Variants in ADA2 observed in about 807,000 individuals in gnomAD.
ADA2 encodes the protein adenosine deaminase CECR1.
ADA2 carries 29 observed loss-of-function variants against 44.2 expected under a neutral mutation model. That is an observed-to-expected ratio of 0.66 (90% CI 0.49 to 0.89). The LOEUF is 0.89. ADA2 is among the 40% of genes least tolerant of loss of function. ADA2 has a pLI of 0.00. For missense variants in ADA2, 637 were observed against 644.8 expected, an observed-to-expected ratio of 0.99 and a Z score of 0.13; for synonymous variants, 215 against 234.9, an observed-to-expected ratio of 0.92 and a Z score of 0.77.
intron 3 of ADA2, among the ~76,000 whole-genome samples, chr22:17,206,565 A>G (rs1355582636): frequency 6.6e-6 from 1 of 152,204 alleles, no homozygotes; most frequent in Non-Finnish European, 1.5e-5. Context: ...AATGCACCAG[A>G]AAAACTACTA....
chr22:17,209,450 C>T lies in ADA2; in HGVS notation c.228G>A (p.Arg76=). The T allele has an allele frequency of 3.1e-6, 5 of 1,614,158 alleles. No individual in the cohort carries two copies. The highest frequency in any genetic ancestry group is 1.3e-5 in the African/African-American group (1 of 75,046). Residue 76 remains arginine, a synonymous_variant, in exon 2 of 10, where the codon AGG becomes AGA. Transcript: ENST00000399837. The stretch of plus-strand genomic sequence containing the variant: ...GCATGCTGGGTGGGAATATCAGGGT[C>T]CTCATGGCCTCCTTCATCTCAGCGA... ...LKIAEMKEAM[R]TLIFPPSMHF...
chr22:17,207,000 C>T, intron 3 of ADA2, 71 bp downstream of exon 3: 1 of 1,182,522 alleles, frequency 8.5e-7, no homozygotes, highest in African/African-American at 1.5e-5. Context: ...TAGGTTTGTA[C>T]CAAGGGAGAC....
chr22:17,191,265 C>G (rs2062110956), intron 5 of ADA2, among the ~76,000 whole-genome samples: 1 of 152,246 alleles, frequency 6.6e-6, no homozygotes. Context: ...GCCAGTGCCA[C>G]TCAGGGTGTC....
chr22:17,198,963 G>C (rs918636114), intron 4 of ADA2, among the ~76,000 whole-genome samples: 1 of 152,154 alleles, frequency 6.6e-6, no homozygotes, highest in Non-Finnish European at 1.5e-5. Flanking sequence ...GGGAGGCGAG[G>C]GGGCTCAGCA....
At chr22:17,203,823 G>T in intron 3 of ADA2, 50 bp from the exon 4 acceptor site, 1 of 1,279,800 alleles carries the variant, frequency 7.8e-7, no homozygotes, top group Non-Finnish European at 1.1e-6. Context: ...CCAGGACACT[G>T]CCCCCGGGCG....
At chr22:17,208,986 C>G (rs539109490) in intron 2 of ADA2, among the ~76,000 whole-genome samples, 2 of 152,056 alleles carry the variant, frequency 1.3e-5, no homozygotes, top group East Asian at 3.9e-4. Flanking sequence ...ACCACCACCC[C>G]TGGCTATTTA....
At position 17,181,774 on chromosome 22, in the gene ADA2, C is replaced by T. The variant is rs572691117; in HGVS notation, c.1442+46G>A. The stretch of plus-strand genomic sequence containing the variant: ...CCTCCAGAGAGGCAAACACAAGCTG[C>T]GGGCTGGAAGGAGGCGGGGGACCTG... On this transcript the variant is annotated intron_variant, in intron 9 of 9. Coordinates refer to ENST00000399837, the MANE Select transcript of ADA2 (RefSeq NM_001282225.2). 116 of 1,522,850 alleles carry T rather than the reference C, an allele frequency of 7.6e-5. 1 individual carries two copies. In the South Asian group the frequency reaches 1.0e-3, roughly 14 times the overall value. 94.3% of individuals were successfully genotyped at this position (1,522,850 alleles called of 1,614,324 possible). A position where few individuals can be genotyped will look rare whatever the true frequency, so the allele number is the denominator to read the frequency against.
At chr22:17,199,446 T>TCCCACCCCACCTCAATCCACTTCCCCA in intron 4 of ADA2, 1 of 917,628 alleles carries the variant, frequency 1.1e-6, no homozygotes, top group Non-Finnish European at 1.7e-6. Flanking sequence ...CCTCTTCCCC[T>TCCCACCCCACCTCAATCCACTTCCCCA]CCACCCACGA....
chr22:17,204,290 A>G (rs2123701631), intron 3 of ADA2, among the ~76,000 whole-genome samples: 1 of 152,302 alleles, frequency 6.6e-6, no homozygotes, highest in South Asian at 2.1e-4. Flanking sequence ...GGTTGTAAGG[A>G]TGGGGCTCTA....
chr22:17,214,086 A>T, intron 1 of ADA2: 2 of 621,648 alleles, frequency 3.2e-6, no homozygotes. Flanking sequence ...ACAAGCAGAG[A>T]GTGGAGGACT....
At chr22:17,199,448 C>CCGCCCCTCCTCT in intron 4 of ADA2, 1 of 1,129,592 alleles carries the variant, frequency 8.9e-7, no homozygotes, top group Non-Finnish European at 1.3e-6. Context: ...TCTTCCCCTC[C>CCGCCCCTCCTCT]ACCCACGAAG....
rs1386346099 is a variant in ADA2, at chr22:17,182,658, C to T, written c.1185G>A (p.Arg395=). ...GFALSKHPAV[R]TYSWKKDIPI... ...GGATGTCCTTTTTCCAGGAGTAAGTCCTGACTGCGGGGTGTTTGCTCAAAG... is the reference window on the plus strand; with the variant it reads ...GGATGTCCTTTTTCCAGGAGTAAGTTCTGACTGCGGGGTGTTTGCTCAAAG... Residue 395 remains arginine (R), a synonymous_variant, in exon 8 of 10, where the codon AGG becomes AGA. Transcript: ENST00000399837. 6.2e-7 allele frequency: 1 copy of T among 1,614,008 alleles called. No homozygotes were observed. The highest frequency in any genetic ancestry group is 1.3e-5 in the African/African-American group (1 of 74,900).
At chr22:17,210,248 T>C (rs1476814136) in intron 1 of ADA2, among the ~76,000 whole-genome samples, 1 of 148,768 alleles carries the variant, frequency 6.7e-6, no homozygotes, top group African/African-American at 2.5e-5. Context: ...TGGAGTGTAA[T>C]GGTGTGATCT....
At chr22:17,210,169 C>T (rs888354812) in intron 1 of ADA2, among the ~76,000 whole-genome samples, 12 of 150,430 alleles carry the variant, frequency 8.0e-5, no homozygotes, top group African/African-American at 2.7e-4. Context: ...GGATTACAGG[C>T]GTGAGCCACT....
chr22:17,213,737 A>T (rs1278004273), intron 1 of ADA2: 1 of 247,946 alleles, frequency 4.0e-6, no homozygotes, highest in African/African-American at 2.3e-5. Context: ...AATGGAAAGG[A>T]TCCTCAAGAA....
At chr22:17,199,446 T>TCCCTCCCCACCTCTATCCTCTTACCCA in intron 4 of ADA2, 2 of 917,624 alleles carry the variant, frequency 2.2e-6, no homozygotes, top group Non-Finnish European at 3.5e-6. Context: ...CCTCTTCCCC[T>TCCCTCCCCACCTCTATCCTCTTACCCA]CCACCCACGA....
At chr22:17,184,791 T>C (rs568387270) in intron 7 of ADA2, among the ~76,000 whole-genome samples, 1 of 150,774 alleles carries the variant, frequency 6.6e-6, no homozygotes, top group African/African-American at 2.4e-5. Context: ...TAGCCAGGCA[T>C]GGTGGCATGT....
intron 6 of ADA2, chr22:17,188,868 A>AAAAAAAAAAAAATATATATAT: frequency 4.9e-5 from 4 of 81,178 alleles, no homozygotes; most frequent in East Asian, 6.0e-4. Context: ...AAGAGCAAAA[A>AAAAAAAAAAAAATATATATAT]ATATATATAT....
chr22:17,206,802 G>A (rs117282895), intron 3 of ADA2, among the ~76,000 whole-genome samples: 5,268 of 152,150 alleles, frequency 0.035, 148 homozygotes, highest in East Asian at 0.079. Flanking sequence ...GGGACTACAG[G>A]TGCAGCACCA....
Sources: gnomAD v4.1 joint callset for allele counts (sites outside exome capture counted in the v4.1 genomes callset) on GRCh38, gnomAD v4.1.1 for gene constraint, MANE v1.5 for transcripts, NCBI Gene and HGNC (gene_info 2026-07-23, HGNC 2026-07-21) for gene names.